Variants in KIF5A observed in about 807,000 individuals in gnomAD.
The protein encoded by KIF5A is kinesin heavy chain isoform 5A.
Under a neutral mutation model 141.3 loss-of-function variants are expected in KIF5A, and 35 were observed. The observed-to-expected ratio is 0.25, with a 90% CI of 0.19 to 0.33. The LOEUF (loss-of-function observed/expected upper bound fraction) is 0.33, where lower values mean the gene tolerates loss of function less well. Ranked by LOEUF, KIF5A falls within the 10% of genes least tolerant of loss-of-function variation. The pLI, the probability that KIF5A is intolerant of heterozygous loss-of-function variation, is 1.00. For synonymous variants in KIF5A, 448 were observed against 500.2 expected, an observed-to-expected ratio of 0.90 and a Z score of 1.39; for missense variants, 861 against 1,314.3, an observed-to-expected ratio of 0.66 and a Z score of 5.33.
chr12:57,575,021 G>C (rs970570672), intron 15 of KIF5A, 63 bp from the exon 16 acceptor site: 4 of 1,503,244 alleles, frequency 2.7e-6, no homozygotes, highest in South Asian at 2.3e-5. Context: ...GTAGAAGGTG[G>C]GAGGGAACAG....
rs1392195276 is a variant in KIF5A at position 57,585,023 on chromosome 12, A to C, written c.*842A>C. The stretch of plus-strand genomic sequence containing the variant: ...CCCAGCAGCCTGTCAATGGCTGCTC[A>C]TCTGTCCATGGAGATGGTTACAGGC... On this transcript the variant is annotated 3_prime_UTR_variant, in exon 29 of 29. Transcript: ENST00000455537. 6.6e-6 allele frequency: 1 copy of C among 152,252 alleles called. No individual in the cohort carries two copies. The highest frequency in any genetic ancestry group is 1.5e-5 in the Non-Finnish European group (1 of 68,058). The allele number at this position is 152,252 out of a possible 1,614,324, so 9.4% of individuals were successfully genotyped here. A position where few individuals can be genotyped will look rare whatever the true frequency, so the allele number is the denominator to read the frequency against.
chr12:57,555,940 A>C (rs1257696092), intron 1 of KIF5A, among the ~76,000 whole-genome samples: 1 of 151,194 alleles, frequency 6.6e-6, no homozygotes, highest in African/African-American at 2.4e-5. Flanking sequence ...AGAAAGAAAG[A>C]AAAAAAAGAA....
At chr12:57,575,373 C>T in intron 16 of KIF5A, 101 bp downstream of exon 16, 1 of 1,325,428 alleles carries the variant, frequency 7.5e-7, no homozygotes. Context: ...TGTCAAAGTT[C>T]TGGGGTCAAG....
chr12:57,550,583 A>G lies in KIF5A; in HGVS notation c.129+183A>G, dbSNP rs1436152224. Among the ~76,000 whole-genome samples the G allele has an allele frequency of 2.6e-5, 4 of 151,558 alleles. No individual in the cohort carries two copies. Among genetic ancestry groups the G allele is most frequent in the Non-Finnish European group, 5.9e-5 (4 of 67,884 alleles). On this transcript the variant is annotated intron_variant, in intron 1 of 28. Transcript: ENST00000455537. This position sits in a 1 kb window ranked among gnomAD's most constrained non-coding sequence, Gnocchi z 4.6. ...TGGCTGGGTGTGGCCTGGCCAGGCCAGCGGCCGAGTCTCTGCAGAGTGGCA... is the reference window on the plus strand; with the variant it reads ...TGGCTGGGTGTGGCCTGGCCAGGCCGGCGGCCGAGTCTCTGCAGAGTGGCA...
chr12:57,575,712 T>C lies in KIF5A; in HGVS notation c.1978T>C (p.Ser660Pro). Residue 660 changes from serine (S) to proline (P), a missense_variant, in exon 17 of 29, where the codon TCC becomes CCC. By Grantham distance (74) the Ser-to-Pro change is moderately conservative. This residue lies in a region of KIF5A where 482 missense variants were observed against 661.3 expected (regional missense o/e 0.73). Coordinates refer to ENST00000455537, the MANE Select transcript of KIF5A (RefSeq NM_004984.4). ...VELKKRHLEESYDSLSDELAK... is the reference protein window; with the variant it reads ...VELKKRHLEEPYDSLSDELAK... ...GCTAAAGAAGCGGCACCTGGAAGAG[T>C]CCTATGACTCCTTGAGCGATGAGCT... The C allele has an allele frequency of 6.2e-7, 1 of 1,613,920 alleles. No individual in the cohort carries two copies. Among genetic ancestry groups the C allele is most frequent in the Non-Finnish European group, 8.5e-7 (1 of 1,179,970 alleles).
intron 27 of KIF5A, 26 bp downstream of exon 27, chr12:57,582,655 G>A: frequency 6.3e-7 from 1 of 1,588,102 alleles, no homozygotes; most frequent in Non-Finnish European, 8.6e-7. Flanking sequence ...CTACCCCTGG[G>A]TTCTCTGGGT....
In KIF5A at chr12:57,585,134, C is replaced by G. The variant is rs767387490; in HGVS notation, c.*953C>G. Reference sequence around the variant, plus strand: ...AGCCTTTTTTTTTTGTCACAGTGCCCTCAAGTTGAAGTGATGAGCTGGATT... The same window carrying G: ...AGCCTTTTTTTTTTGTCACAGTGCCGTCAAGTTGAAGTGATGAGCTGGATT... On this transcript the variant is annotated 3_prime_UTR_variant, in exon 29 of 29. Transcript: ENST00000455537. The G allele has an allele frequency of 6.6e-6, 1 of 152,534 alleles. No homozygotes were observed. The highest frequency in any genetic ancestry group is 2.1e-4 in the South Asian group (1 of 4,838). The allele number at this position is 152,534 out of a possible 1,614,324, so 9.4% of individuals were successfully genotyped here.
At chr12:57,573,160 T>C (rs533558322) in intron 15 of KIF5A, among the ~76,000 whole-genome samples, 1 of 152,266 alleles carries the variant, frequency 6.6e-6, no homozygotes, top group East Asian at 1.9e-4. Context: ...CACTGCACTC[T>C]AGCCTGGGTT....
intron 28 of KIF5A, among the ~76,000 whole-genome samples, chr12:57,583,900 G>T (rs1191535352): frequency 6.6e-6 from 1 of 152,194 alleles, no homozygotes; most frequent in Non-Finnish European, 1.5e-5. Flanking sequence ...GCCCAGAAGT[G>T]GCACAGAGAA....
At chr12:57,577,304 A>G (rs1385239733) in intron 20 of KIF5A, among the ~76,000 whole-genome samples, 1 of 152,226 alleles carries the variant, frequency 6.6e-6, no homozygotes, top group African/African-American at 2.4e-5. Context: ...TGTGTAATAA[A>G]TAATAATAGG....
At position 57,570,099 on chromosome 12, in the gene KIF5A, G is replaced by A. The variant is rs753565345; in HGVS notation, c.1230G>A (p.Ala410=). Residue 410 remains alanine (A), a synonymous_variant, in exon 12 of 29, where the codon GCG becomes GCA. Transcript: ENST00000455537. Reference sequence around the variant, plus strand: ...ACTCATCCATCGTGGTGCGCATCGCGCCCGAGGAGCGGCAGAAATACGAGG... The same window carrying A: ...ACTCATCCATCGTGGTGCGCATCGCACCCGAGGAGCGGCAGAAATACGAGG... ...NDNSSIVVRI[A]PEERQKYEEE... 39 of 1,614,042 alleles carry A rather than the reference G, an allele frequency of 2.4e-5. No individual in the cohort carries two copies. Among genetic ancestry groups the A allele is most frequent in the Middle Eastern group, 1.6e-4 (1 of 6,080 alleles).
chr12:57,553,619 C>T (rs902763597), intron 1 of KIF5A, among the ~76,000 whole-genome samples: 1 of 152,188 alleles, frequency 6.6e-6, no homozygotes, highest in Non-Finnish European at 1.5e-5. Flanking sequence ...TCAGCTTATA[C>T]CAAGTGCTTT....
intron 19 of KIF5A, 67 bp from the exon 20 acceptor site, chr12:57,576,694 C>T (rs1882436795): frequency 2.6e-6 from 3 of 1,156,170 alleles, no homozygotes; most frequent in South Asian, 1.2e-5. Context: ...GTTTGAAGAG[C>T]TGGCCTTCCC....
chr12:57,556,777 T>C (rs1015131118), intron 1 of KIF5A, among the ~76,000 whole-genome samples: 2 of 152,016 alleles, frequency 1.3e-5, no homozygotes, highest in Non-Finnish European at 2.9e-5. Flanking sequence ...GAAGCATGGA[T>C]AGAGATTGTT....
At position 57,578,352 on chromosome 12, in the gene KIF5A, TG is replaced by T; in HGVS notation, c.2538+11del. The T allele has an allele frequency of 6.3e-7, 1 of 1,596,020 alleles. No homozygotes were observed. The highest frequency in any genetic ancestry group is 8.6e-7 in the Non-Finnish European group (1 of 1,163,480). Reference sequence around the variant, plus strand: ...AAAGGTTCACAAACAGGTAAGAGTCTGCTGAAGGAGTGAAGAGAATTTTTGA... The same window carrying T: ...AAAGGTTCACAAACAGGTAAGAGTCTCTGAAGGAGTGAAGAGAATTTTTGA... On this transcript the variant is annotated intron_variant, in intron 23 of 28. Coordinates refer to ENST00000455537, the MANE Select transcript of KIF5A (RefSeq NM_004984.4).
intron 1 of KIF5A, among the ~76,000 whole-genome samples, chr12:57,562,373 G>A (rs1316620453): frequency 2.0e-5 from 3 of 152,094 alleles, no homozygotes; most frequent in African/African-American, 7.2e-5. Flanking sequence ...CTGCCACCAC[G>A]CCCAGCTAAT....
chr12:57,582,078 T>TA lies in KIF5A; in HGVS notation c.2992+137dup, dbSNP rs1013090932. The TA allele has an allele frequency of 6.5e-3, 4,114 of 633,036 alleles. 4 individuals carry two copies. Among genetic ancestry groups the TA allele is most frequent in the African/African-American group, 0.021 (1,069 of 52,056 alleles). The allele number at this position is 633,036 out of a possible 1,614,324, so 39.2% of individuals were successfully genotyped here. ...CTTTCTGGTGTGCCAAGGCTTCAAA[T>TA]AAAAAAAAAAATACATATAGCCAGG... On this transcript the variant is annotated intron_variant, in intron 26 of 28. Coordinates refer to ENST00000455537, the MANE Select transcript of KIF5A (RefSeq NM_004984.4).
At chr12:57,577,485 C>T (rs1331985484) in intron 20 of KIF5A, among the ~76,000 whole-genome samples, 3 of 152,054 alleles carry the variant, frequency 2.0e-5, no homozygotes, top group Admixed American at 1.3e-4. Flanking sequence ...GTCCCAGATG[C>T]TTGGGAGGCT....
Position 57,550,178 on chromosome 12 carries a change from C to T in KIF5A, c.-94C>T. On this transcript the variant is annotated 5_prime_UTR_variant, in exon 1 of 29. Coordinates refer to ENST00000455537, the MANE Select transcript of KIF5A (RefSeq NM_004984.4). The surrounding 1 kb of genome is among the most constrained non-coding windows in gnomAD (Gnocchi z 4.6). ...CTGTCCCCAGAGACTGAGCACCTGT[C>T]CTCCGCCTCGGCCTCTGCTGAGAGC... is the stretch of plus-strand genomic sequence containing the variant. The T allele has an allele frequency of 6.4e-7, 1 of 1,554,886 alleles. No individual in the cohort carries two copies. Among genetic ancestry groups the T allele is most frequent in the Non-Finnish European group, 8.8e-7 (1 of 1,133,998 alleles).
Sources: gnomAD v4.1 joint callset for allele counts (sites outside exome capture counted in the v4.1 genomes callset) on GRCh38, gnomAD v4.1.1 for gene constraint, gnomAD v4.1.1 regional missense constraint, Gnocchi (gnomAD v3.1) non-coding constraint, MANE v1.5 for transcripts, NCBI Gene and HGNC (gene_info 2026-07-23, HGNC 2026-07-21) for gene names.